Variants in LRRC8D observed in about 807,000 individuals in gnomAD.
LRRC8D encodes the protein volume-regulated anion channel subunit LRRC8D.
A neutral mutation model predicts 55.8 loss-of-function variants in LRRC8D; 20 were observed. The observed-to-expected ratio is 0.36, with a 90% CI of 0.25 to 0.52. LRRC8D has a LOEUF of 0.52. Ranked by LOEUF, LRRC8D falls within the 20% of genes least tolerant of loss-of-function variation. LRRC8D has a pLI of 0.93. For missense variants in LRRC8D, 651 were observed against 1,030.8 expected (o/e 0.63, Z 5.05); for synonymous variants, 352 against 377.0 (o/e 0.93, Z 0.77).
chr1:89,860,481 C>T (rs531111688), intron 2 of LRRC8D, among the ~76,000 whole-genome samples: 7 of 151,944 alleles, frequency 4.6e-5, no homozygotes, highest in Admixed American at 3.3e-4. Context: ...TACACGTGGC[C>T]GGGCACAGTG....
chr1:89,920,885 G>A lies in LRRC8D; in HGVS notation c.-2-12182G>A, dbSNP rs1391193931. On this transcript the variant is annotated intron_variant, in intron 2 of 2. Coordinates refer to ENST00000337338, the MANE Select transcript of LRRC8D (RefSeq NM_001134479.2). ...AGGGAAGGCTTGTTGTAGAGATGGT[G>A]TAGCTCATTATAAACTTTAGTTTGT... is the stretch of plus-strand genomic sequence containing the variant. Among the ~76,000 whole-genome samples the A allele has an allele frequency of 9.2e-5, 14 of 152,150 alleles. No individual in the cohort carries two copies. The East Asian group carries it at 2.1e-3, about 23-fold the overall frequency.
At chr1:89,867,140 A>C (rs1661870940) in intron 2 of LRRC8D, among the ~76,000 whole-genome samples, 1 of 152,054 alleles carries the variant, frequency 6.6e-6, no homozygotes, top group South Asian at 2.1e-4. Context: ...CCCGAAAAGA[A>C]ACTCTGTCCC....
At chr1:89,909,457 C>T (rs1663075914) in intron 2 of LRRC8D, among the ~76,000 whole-genome samples, 2 of 151,678 alleles carry the variant, frequency 1.3e-5, no homozygotes, top group Admixed American at 1.3e-4. Flanking sequence ...ATATATTTTA[C>T]CAGTGCCATT....
chr1:89,877,661 C>T (rs1297389435), intron 2 of LRRC8D, among the ~76,000 whole-genome samples: 3 of 152,128 alleles, frequency 2.0e-5, no homozygotes, highest in East Asian at 1.9e-4. Flanking sequence ...TAGGGACCAG[C>T]GGTGGTTCAC....
chr1:89,886,501 T>C (rs921799870), intron 2 of LRRC8D, among the ~76,000 whole-genome samples: 2 of 152,238 alleles, frequency 1.3e-5, no homozygotes, highest in African/African-American at 4.8e-5. Context: ...TGCTTCTCTC[T>C]TTCTGTTGGC....
chr1:89,848,888 C>T (rs1395439541), intron 2 of LRRC8D, among the ~76,000 whole-genome samples: 5 of 152,040 alleles, frequency 3.3e-5, no homozygotes, highest in Non-Finnish European at 5.9e-5. Flanking sequence ...TTAGTAGAGA[C>T]GGGGTTTCAC....
rs79036122 is a variant in LRRC8D, at chr1:89,911,693, A to AC, written c.-2-21373dup. On this transcript the variant is annotated intron_variant, in intron 2 of 2. Coordinates refer to ENST00000337338, the MANE Select transcript of LRRC8D (RefSeq NM_001134479.2). The surrounding 1 kb of genome is among the most constrained non-coding windows in gnomAD (Gnocchi z 4.0). Reference sequence around the variant, plus strand: ...TTCACTTTCCCACATACCCTTGCACACGTGAGCCAGACTTTTTCACCGAAA... The same window carrying AC: ...TTCACTTTCCCACATACCCTTGCACACCGTGAGCCAGACTTTTTCACCGAAA... 1.5e-5 allele frequency among the ~76,000 whole-genome samples: 2 copies of AC among 134,570 alleles called. No homozygotes were observed. Among genetic ancestry groups the AC allele is most frequent in the African/African-American group, 6.0e-5 (2 of 33,414 alleles). 88.3% of individuals were successfully genotyped at this position (134,570 alleles called of 152,430 possible).
intron 2 of LRRC8D, among the ~76,000 whole-genome samples, chr1:89,872,751 C>T (rs949230869): frequency 1.3e-5 from 2 of 152,198 alleles, no homozygotes; most frequent in Admixed American, 6.5e-5. Context: ...TGCCCCTCCC[C>T]TCTTAGATGA....
intron 2 of LRRC8D, among the ~76,000 whole-genome samples, chr1:89,885,160 T>C (rs1662386702): frequency 6.6e-6 from 1 of 152,258 alleles, no homozygotes; most frequent in South Asian, 2.1e-4. Context: ...TGATATCCTC[T>C]GAAATCTGGC....
chr1:89,864,143 T>C (rs1417108696), intron 2 of LRRC8D, among the ~76,000 whole-genome samples: 1 of 152,228 alleles, frequency 6.6e-6, no homozygotes, highest in Admixed American at 6.5e-5. Context: ...AAAAGATTGG[T>C]CTGTTCTGTT....
rs757963350 is a variant in LRRC8D at position 89,935,374 on chromosome 1, A to C, written c.2306A>C (p.Lys769Thr). Residue 769 changes from lysine to threonine, a missense_variant, in exon 3 of 3, where the codon AAA (lysine) becomes ACA (threonine). Transcript: ENST00000337338. ...GGGAACAAAGTGGACATTCTGCCAA[A>C]ACAATTGTTTAAATGCATAAAGTTG... The part of the protein sequence containing the change: ...ITGNKVDILP[K>T]QLFKCIKLRT... The C allele has an allele frequency of 3.7e-6, 6 of 1,614,218 alleles. No individual in the cohort carries two copies. The Admixed American group carries it at 1.0e-4, about 27-fold the overall frequency.
At chr1:89,821,496 G>T (rs1570793275) in intron 1 of LRRC8D, among the ~76,000 whole-genome samples, 1 of 152,170 alleles carries the variant, frequency 6.6e-6, no homozygotes, top group South Asian at 2.1e-4. Context: ...TGCCGCCAGG[G>T]CCTGGGAGAT....
chr1:89,827,920 G>A (rs1331984143), intron 1 of LRRC8D, among the ~76,000 whole-genome samples: 2 of 152,166 alleles, frequency 1.3e-5, no homozygotes, highest in African/African-American at 4.8e-5. Context: ...AACCCTGGCT[G>A]GCATCAGAAT....
At chr1:89,889,024 G>C (rs550089114) in intron 2 of LRRC8D, among the ~76,000 whole-genome samples, 79 of 152,246 alleles carry the variant, frequency 5.2e-4, no homozygotes, top group Non-Finnish European at 1.0e-3. Flanking sequence ...GCTGTGCATG[G>C]TGACTTCCCT....
At chr1:89,902,693 T>G (rs1662894690) in intron 2 of LRRC8D, among the ~76,000 whole-genome samples, 1 of 151,930 alleles carries the variant, frequency 6.6e-6, no homozygotes, top group African/African-American at 2.4e-5. Context: ...CCGGCTAATT[T>G]TTTGTATTTT....
intron 2 of LRRC8D, among the ~76,000 whole-genome samples, chr1:89,874,244 T>C (rs1662093755): frequency 6.6e-6 from 1 of 152,184 alleles, no homozygotes; most frequent in African/African-American, 2.4e-5. Context: ...AAGCTCATAA[T>C]TGTAGACCCC....
At chr1:89,825,892 G>A (rs1029310919) in intron 1 of LRRC8D, among the ~76,000 whole-genome samples, 7 of 152,276 alleles carry the variant, frequency 4.6e-5, no homozygotes, top group Non-Finnish European at 1.0e-4. Context: ...TGTTGAAGGA[G>A]AGCTAGAGGA....
chr1:89,904,069 C>G (rs1195577116), intron 2 of LRRC8D, among the ~76,000 whole-genome samples: 1 of 152,168 alleles, frequency 6.6e-6, no homozygotes, highest in African/African-American at 2.4e-5. Context: ...CCAGTTCTGT[C>G]CAAGGACAAA....
At chr1:89,828,651 A>C (rs1333566079) in intron 1 of LRRC8D, among the ~76,000 whole-genome samples, 3 of 151,224 alleles carry the variant, frequency 2.0e-5, no homozygotes, top group Non-Finnish European at 4.4e-5. Flanking sequence ...GGGAACTACC[A>C]CTCCTCTGAG....
Sources: gnomAD v4.1 joint callset for allele counts (sites outside exome capture counted in the v4.1 genomes callset) on GRCh38, gnomAD v4.1.1 for gene constraint, Gnocchi (gnomAD v3.1) non-coding constraint, MANE v1.5 for transcripts, NCBI Gene and HGNC (gene_info 2026-07-23, HGNC 2026-07-21) for gene names.